Variants in NRXN3 observed in about 807,000 individuals in gnomAD.
The protein encoded by NRXN3 is neurexin III.
A neutral mutation model predicts 137.6 loss-of-function variants in NRXN3; 32 were observed. The observed-to-expected ratio is 0.23, with a 90% confidence interval of 0.18 to 0.31. NRXN3 has a LOEUF of 0.31. NRXN3 is among the 10% of genes least tolerant of loss of function. The pLI, the probability that NRXN3 is intolerant of heterozygous loss-of-function variation, is 1.00. For synonymous variants in NRXN3, 798 were observed against 784.5 expected, an observed-to-expected ratio of 1.02 and a Z score of -0.29; for missense variants, 1,574 against 2,062.5, an observed-to-expected ratio of 0.76 and a Z score of 4.59.
At chr14:79,820,241 A>G (rs907582537) in intron 20 of NRXN3, among the ~76,000 whole-genome samples, 1 of 152,194 alleles carries the variant, frequency 6.6e-6, no homozygotes, top group African/African-American at 2.4e-5. Flanking sequence ...TGAGGAGGAC[A>G]CAATGGAGTG....
intron 8 of NRXN3, among the ~76,000 whole-genome samples, chr14:78,793,649 C>A (rs2098812285): frequency 6.6e-6 from 1 of 152,182 alleles, no homozygotes; most frequent in African/African-American, 2.4e-5. Flanking sequence ...ACCAGGGAAG[C>A]AACCCTGGAG....
intron 15 of NRXN3, among the ~76,000 whole-genome samples, chr14:79,084,454 AACTG>A (rs1339262161): frequency 6.6e-6 from 1 of 152,212 alleles, no homozygotes; most frequent in African/African-American, 2.4e-5. Context: ...AAATATTGCC[AACTG>A]ACTATCATTA....
At chr14:78,304,861 C>G (rs150194171) in intron 4 of NRXN3, among the ~76,000 whole-genome samples, 6 of 152,260 alleles carry the variant, frequency 3.9e-5, no homozygotes, top group Non-Finnish European at 8.8e-5. Context: ...TGCAAGGATG[C>G]AGGCACAGTC....
intron 15 of NRXN3, among the ~76,000 whole-genome samples, chr14:79,226,322 TAAAAATTAAA>T (rs112176194): frequency 9.1e-4 from 138 of 152,314 alleles, no homozygotes; most frequent in African/African-American, 3.2e-3. Context: ...ATATGGAAAT[TAAAAATTAAA>T]TCTACTTAAT....
chr14:78,399,456 G>A (rs1376786343), intron 4 of NRXN3, among the ~76,000 whole-genome samples: 1 of 152,202 alleles, frequency 6.6e-6, no homozygotes, highest in African/African-American at 2.4e-5. Context: ...GTCAATTACA[G>A]TATAGGCTCA....
chr14:78,478,609 A>G (rs535516367), intron 4 of NRXN3, among the ~76,000 whole-genome samples: 34 of 152,300 alleles, frequency 2.2e-4, no homozygotes, highest in African/African-American at 7.9e-4. Flanking sequence ...GGAGATGCAG[A>G]AGAGAATTAA....
chr14:78,296,607 C>A lies in NRXN3; in HGVS notation c.728-1224C>A, dbSNP rs73310395. Among the ~76,000 whole-genome samples the A allele has an allele frequency of 3.2e-3, 492 of 152,186 alleles. 4 individuals carry two copies. Among genetic ancestry groups the A allele is most frequent in the African/African-American group, 0.011 (467 of 41,514 alleles). On this transcript the variant is annotated intron_variant, in intron 3 of 20. Transcript: ENST00000335750. Reference sequence around the variant, plus strand: ...TTCTTCCGTGAGTATTTATCCTGGTCCTAGAGCAACAAATACTAAAACTAT... The same window carrying A: ...TTCTTCCGTGAGTATTTATCCTGGTACTAGAGCAACAAATACTAAAACTAT...
chr14:79,151,544 T>G (rs2153033797), intron 15 of NRXN3, among the ~76,000 whole-genome samples: 1 of 152,174 alleles, frequency 6.6e-6, no homozygotes, highest in African/African-American at 2.4e-5. Context: ...GTCCTTGGAC[T>G]TGGTGCTGTC....
At chr14:78,563,785 C>T (rs753877291) in intron 4 of NRXN3, among the ~76,000 whole-genome samples, 7 of 152,130 alleles carry the variant, frequency 4.6e-5, no homozygotes, top group Admixed American at 6.5e-5. Context: ...GCCTGCCCTT[C>T]AGCATTCTCA....
chr14:78,580,884 G>A (rs1280543458), intron 4 of NRXN3, among the ~76,000 whole-genome samples: 1 of 152,192 alleles, frequency 6.6e-6, no homozygotes, highest in Non-Finnish European at 1.5e-5. Context: ...ATATTGGAAT[G>A]TTTACATCCT....
At chr14:79,799,474 G>C (rs951691800) in intron 19 of NRXN3, among the ~76,000 whole-genome samples, 1 of 152,182 alleles carries the variant, frequency 6.6e-6, no homozygotes, top group African/African-American at 2.4e-5. Context: ...AGAAAGGAGA[G>C]AAGTCTGATA....
chr14:79,530,593 G>GTTT (rs199958147), intron 16 of NRXN3, among the ~76,000 whole-genome samples: 1,869 of 140,476 alleles, frequency 0.013, 36 homozygotes, highest in African/African-American at 0.046. Flanking sequence ...GAGGTTTTTT[G>GTTT]TTTTTTTTTT....
intron 4 of NRXN3, among the ~76,000 whole-genome samples, chr14:78,419,961 G>A (rs201097546): frequency 0.22 from 10,685 of 49,144 alleles, 524 homozygotes; most frequent in East Asian, 0.42. Context: ...GCGCGCGCAC[G>A]CACACACACA....
chr14:79,020,258 C>A (rs12883111), intron 15 of NRXN3, among the ~76,000 whole-genome samples: 1 of 51,854 alleles, frequency 1.9e-5, no homozygotes, highest in Non-Finnish European at 3.4e-5. Flanking sequence ...CCTCCCCTCC[C>A]CTCCCCTCCC....
At chr14:79,641,183 T>C (rs866165399) in intron 16 of NRXN3, among the ~76,000 whole-genome samples, 1 of 133,872 alleles carries the variant, frequency 7.5e-6, no homozygotes, top group Non-Finnish European at 1.7e-5. Flanking sequence ...AATTCTTCTG[T>C]ATTTTTAGTA....
At chr14:79,256,917 CAGAA>C (rs537199551) in intron 15 of NRXN3, among the ~76,000 whole-genome samples, 202 of 152,088 alleles carry the variant, frequency 1.3e-3, no homozygotes, top group Admixed American at 4.1e-3. Context: ...ATGTGTGTGA[CAGAA>C]AGAGACAGAA....
At chr14:78,714,123 G>A (rs1368850840) in intron 7 of NRXN3, among the ~76,000 whole-genome samples, 1 of 152,194 alleles carries the variant, frequency 6.6e-6, no homozygotes, top group East Asian at 1.9e-4. Flanking sequence ...CACAGGGAAT[G>A]CTCAAAATAT....
At chr14:79,584,932 T>C (rs984190244) in intron 16 of NRXN3, among the ~76,000 whole-genome samples, 1 of 152,170 alleles carries the variant, frequency 6.6e-6, no homozygotes, top group South Asian at 2.1e-4. Context: ...TTTTGAGTCA[T>C]AGCTGAAGTC....
intron 19 of NRXN3, among the ~76,000 whole-genome samples, chr14:79,753,732 T>A (rs1196328110): frequency 6.6e-6 from 1 of 151,534 alleles, no homozygotes; most frequent in Middle Eastern, 3.2e-3. Context: ...ATAATAATAA[T>A]AATAAAAAGA....
Sources: gnomAD v4.1 joint callset for allele counts (sites outside exome capture counted in the v4.1 genomes callset) on GRCh38, gnomAD v4.1.1 for gene constraint, MANE v1.5 for transcripts, NCBI Gene and HGNC (gene_info 2026-07-23, HGNC 2026-07-21) for gene names.